Variants in CNTNAP4 observed in about 807,000 individuals in gnomAD.
CNTNAP4 encodes contactin associated protein family member 4.
In CNTNAP4, 98 loss-of-function variants were observed where a neutral mutation model predicts 148.4. The ratio of observed to expected loss-of-function variants is 0.66; its 90% CI spans 0.56 to 0.78. CNTNAP4 has a LOEUF of 0.78. CNTNAP4 is among the 30% of genes least tolerant of loss of function. The pLI is 0.00. For missense variants in CNTNAP4, 1,935 were observed against 1,565.6 expected (o/e 1.24, Z -3.98); for synonymous variants, 730 against 565.1 (o/e 1.29, Z -4.14).
chr16:76,309,811 G>A, intron 1 of CNTNAP4: 1 of 699,748 alleles, frequency 1.4e-6, no homozygotes, highest in Non-Finnish European at 2.6e-6. Context: ...AGTGTCATGA[G>A]ATCTGATGGG....
At chr16:76,303,914 G>T (rs888372239) in intron 1 of CNTNAP4, among the ~76,000 whole-genome samples, 2 of 151,954 alleles carry the variant, frequency 1.3e-5, no homozygotes, top group Admixed American at 6.6e-5. Context: ...GTTGAATGCT[G>T]ATTTCTCTCT....
chr16:76,413,209 T>G lies in CNTNAP4; in HGVS notation c.391-14243T>G, dbSNP rs1440819739. 2.6e-5 allele frequency among the ~76,000 whole-genome samples: 4 copies of G among 151,454 alleles called. No individual in the cohort carries two copies. In the East Asian group the frequency reaches 7.8e-4, roughly 29 times the overall value. On this transcript the variant is annotated intron_variant, in intron 3 of 23. Transcript: ENST00000611870. ...AATAATAGGTCTTAGTCATTCTTTC[T>G]GTTTGTTTGTACCCGTTAACCATCC...
chr16:76,448,780 G>T lies in CNTNAP4; in HGVS notation c.756G>T (p.Leu252=), dbSNP rs781322119. ...TCCTCTTCTAAGGTGAAGCTAAACT[G>T]CCTTCCACTTCCACCCTGGTCAATC... is the stretch of plus-strand genomic sequence containing the variant. ...FLLINSGEAK[L]PSTSTLVNLT... is the part of the protein sequence containing the mutation. Residue 252 remains leucine (L), a synonymous_variant, in exon 6 of 24, where the codon CTG becomes CTT. Coordinates refer to ENST00000611870, the MANE Select transcript of CNTNAP4 (RefSeq NM_033401.5). 8 of 1,605,184 alleles carry T rather than the reference G, an allele frequency of 5.0e-6. No homozygotes were observed. In the Admixed American group the frequency reaches 6.8e-5, roughly 14 times the overall value.
chr16:76,436,654 T>C (rs1197096144), intron 4 of CNTNAP4, among the ~76,000 whole-genome samples: 3 of 152,108 alleles, frequency 2.0e-5, no homozygotes, highest in Non-Finnish European at 4.4e-5. Context: ...GTTCCTTGGT[T>C]CTCCACATAT....
At chr16:76,352,658 C>T (rs189796673) in intron 2 of CNTNAP4, among the ~76,000 whole-genome samples, 1 of 152,036 alleles carries the variant, frequency 6.6e-6, no homozygotes, top group South Asian at 2.1e-4. Context: ...AAAGGACTCC[C>T]TTGCTCAGCA....
intron 13 of CNTNAP4, among the ~76,000 whole-genome samples, chr16:76,491,164 T>C (rs1206603740): frequency 6.6e-6 from 1 of 152,108 alleles, no homozygotes; most frequent in African/African-American, 2.4e-5. Context: ...CGTTTTCCTT[T>C]TTTAGAATGT....
chr16:76,280,218 T>C (rs1009533788), intron 1 of CNTNAP4, among the ~76,000 whole-genome samples: 1 of 152,144 alleles, frequency 6.6e-6, no homozygotes, highest in African/African-American at 2.4e-5. Flanking sequence ...CAGCCCAAGG[T>C]TGCCAGTTTG....
intron 15 of CNTNAP4, among the ~76,000 whole-genome samples, chr16:76,504,344 A>G (rs1467623708): frequency 6.6e-6 from 1 of 152,158 alleles, no homozygotes; most frequent in African/African-American, 2.4e-5. Context: ...GAACTCAATG[A>G]TGAAAGGATA....
At chr16:76,373,973 A>T (rs1447239241) in intron 3 of CNTNAP4, among the ~76,000 whole-genome samples, 1 of 152,118 alleles carries the variant, frequency 6.6e-6, no homozygotes, top group Non-Finnish European at 1.5e-5. Context: ...AATTGTGTCT[A>T]TAAATCAGAG....
At chr16:76,277,774 C>G in intron 1 of CNTNAP4, 27 bp downstream of exon 1, 3 of 1,388,744 alleles carry the variant, frequency 2.2e-6, no homozygotes, top group South Asian at 1.2e-5. Context: ...TGATTTAAAA[C>G]TTGCTGGGGG....
At chr16:76,306,127 G>C (rs1283162307) in intron 1 of CNTNAP4, among the ~76,000 whole-genome samples, 3 of 152,174 alleles carry the variant, frequency 2.0e-5, no homozygotes, top group Non-Finnish European at 4.4e-5. Context: ...ATATATGAAT[G>C]TATGTGTCTT....
intron 1 of CNTNAP4, among the ~76,000 whole-genome samples, chr16:76,290,796 C>T (rs1959082855): frequency 6.6e-6 from 1 of 152,268 alleles, no homozygotes; most frequent in South Asian, 2.1e-4. Flanking sequence ...TAACCGAATA[C>T]CACAGAATGA....
intron 4 of CNTNAP4, among the ~76,000 whole-genome samples, chr16:76,430,547 T>C (rs1041360666): frequency 6.6e-6 from 1 of 152,098 alleles, no homozygotes; most frequent in African/African-American, 2.4e-5. Context: ...AAAAGTGGTG[T>C]TGGGGAGTGG....
chr16:76,365,190 T>G (rs1001229271), intron 3 of CNTNAP4, among the ~76,000 whole-genome samples: 1 of 152,194 alleles, frequency 6.6e-6, no homozygotes, highest in Admixed American at 6.5e-5. Context: ...GTTGTAGATG[T>G]GTGGCGTTAT....
chr16:76,500,100 G>C (rs2082568318), intron 15 of CNTNAP4, among the ~76,000 whole-genome samples: 1 of 152,102 alleles, frequency 6.6e-6, no homozygotes. Context: ...GTGGCGGCGG[G>C]GCAGAGGGGC....
chr16:76,400,621 T>C (rs1310049542), intron 3 of CNTNAP4, among the ~76,000 whole-genome samples: 1 of 152,242 alleles, frequency 6.6e-6, no homozygotes, highest in East Asian at 1.9e-4. Context: ...GCCCATTGTA[T>C]GTCCAGGATG....
intron 21 of CNTNAP4, among the ~76,000 whole-genome samples, chr16:76,542,485 G>T (rs908117482): frequency 1.3e-5 from 2 of 152,182 alleles, no homozygotes; most frequent in African/African-American, 4.8e-5. Flanking sequence ...TGTTTTAACT[G>T]TGGGACCCAT....
At chr16:76,410,755 C>G (rs557395392) in intron 3 of CNTNAP4, among the ~76,000 whole-genome samples, 6 of 151,744 alleles carry the variant, frequency 4.0e-5, no homozygotes, top group Admixed American at 1.3e-4. Flanking sequence ...AACACACCAT[C>G]ATACATTTCT....
At chr16:76,447,490 A>G (rs1191726185) in intron 4 of CNTNAP4, among the ~76,000 whole-genome samples, 1 of 152,116 alleles carries the variant, frequency 6.6e-6, no homozygotes, top group Non-Finnish European at 1.5e-5. Flanking sequence ...TTTGGTGGTC[A>G]TATTTTCCCT....
Sources: allele counts gnomAD v4.1 joint callset (sites outside exome capture counted in the v4.1 genomes callset), GRCh38; gene constraint gnomAD v4.1.1; transcripts MANE v1.5; gene names NCBI Gene and HGNC (gene_info 2026-07-23, HGNC 2026-07-21).